RAB30: variants seen among roughly 807,000 people sequenced by gnomAD.
RAB30 encodes ras-related protein Rab-30.
A neutral mutation model predicts 25.1 loss-of-function variants in RAB30; 9 were observed. The observed-to-expected ratio is 0.36, with a 90% CI of 0.22 to 0.63. RAB30 has a LOEUF of 0.63. RAB30 is among the 20% of genes least tolerant of loss of function. RAB30 has a pLI of 0.69. For synonymous variants in RAB30, 77 were observed against 86.4 expected (o/e 0.89, Z 0.60); for missense variants, 140 against 243.5 (o/e 0.58, Z 2.83).
At chr11:83,044,628 T>C (rs575021424) in intron 1 of RAB30, among the ~76,000 whole-genome samples, 4 of 152,118 alleles carry the variant, frequency 2.6e-5, no homozygotes, top group Non-Finnish European at 5.9e-5. Flanking sequence ...ATTCAACTTA[T>C]ATAAGAAAGA....
At chr11:83,019,563 T>TC (rs1184200417) in intron 1 of RAB30, among the ~76,000 whole-genome samples, 1 of 152,072 alleles carries the variant, frequency 6.6e-6, no homozygotes, top group Non-Finnish European at 1.5e-5. Flanking sequence ...CATTAACTGT[T>TC]CCAGTTTGCT....
At chr11:83,006,946 A>G (rs1372788500) in intron 1 of RAB30, among the ~76,000 whole-genome samples, 4 of 152,242 alleles carry the variant, frequency 2.6e-5, no homozygotes, top group Admixed American at 2.6e-4. Context: ...GGATCAAACA[A>G]TAGCTTGCTT....
chr11:83,037,331 C>T (rs898752004), intron 1 of RAB30, among the ~76,000 whole-genome samples: 6 of 150,472 alleles, frequency 4.0e-5, no homozygotes, highest in Non-Finnish European at 7.4e-5. Flanking sequence ...CTCACTGCAA[C>T]CTCTGCCTCC....
rs544212347 is a variant in RAB30 at position 82,985,354 on chromosome 11, C to T, written c.361+2233G>A. On this transcript the variant is annotated intron_variant, in intron 4 of 4. Transcript: ENST00000527633. ...TAACTTTTAGAAGATACTGGAGAAC[C>T]AGCTTATTACCTTGAAAAGTGGTGA... Among the ~76,000 whole-genome samples, 76 of 152,176 alleles carry T rather than the reference C, an allele frequency of 5.0e-4. No homozygotes were observed. The South Asian group carries it at 0.016, about 31-fold the overall frequency.
At position 83,022,255 on chromosome 11, in the gene RAB30, G is replaced by T. The variant is rs553983296; in HGVS notation, c.-8-24931C>A. Among the ~76,000 whole-genome samples, 82 of 152,136 alleles carry T rather than the reference G, an allele frequency of 5.4e-4. 1 individual carries two copies. Among genetic ancestry groups the T allele is most frequent in the Admixed American group, 1.3e-3 (20 of 15,276 alleles). On this transcript the variant is annotated intron_variant, in intron 1 of 4. Transcript: ENST00000527633. The stretch of plus-strand genomic sequence containing the variant: ...GGCCAGTGAAGCCTGGACCTGCCAG[G>T]CTCAGGTGATTGTCCCACCTCAGCC...
At position 82,975,441 on chromosome 11, in the gene RAB30, A is replaced by G. The variant is rs368451988; in HGVS notation, c.*6724T>C. 1 of 152,188 alleles carries G rather than the reference A, an allele frequency of 6.6e-6. No homozygotes were observed. The highest frequency in any genetic ancestry group is 2.1e-4 in the South Asian group (1 of 4,830). The allele number at this position is 152,188 out of a possible 1,614,324, so 9.4% of individuals were successfully genotyped here. A position where few individuals can be genotyped will look rare whatever the true frequency, so the allele number is the denominator to read the frequency against. ...TAGATTATCTTTTGCTTTTCTGTAC[A>G]TGAATTTTTTCTTTATTAGGCATTT... is the stretch of plus-strand genomic sequence containing the variant. On this transcript the variant is annotated 3_prime_UTR_variant, in exon 5 of 5. Transcript: ENST00000527633.
At chr11:83,005,956 TTA>T (rs1857175494) in intron 1 of RAB30, among the ~76,000 whole-genome samples, 7 of 150,834 alleles carry the variant, frequency 4.6e-5, no homozygotes, top group African/African-American at 1.5e-4. Context: ...ATTTTTTTTT[TTA>T]AAAAACTGAT....
intron 1 of RAB30, among the ~76,000 whole-genome samples, chr11:83,054,238 A>T (rs1016104537): frequency 6.6e-6 from 1 of 152,214 alleles, no homozygotes; most frequent in South Asian, 2.1e-4. Context: ...TCTATGCTCC[A>T]GTAGTTATCT....
intron 1 of RAB30, among the ~76,000 whole-genome samples, chr11:83,027,480 G>A (rs1857751120): frequency 6.6e-6 from 1 of 152,044 alleles, no homozygotes; most frequent in Non-Finnish European, 1.5e-5. Context: ...GTACCCAAGG[G>A]AAAACCTGAA....
chr11:83,016,701 A>C (rs1590855303), intron 1 of RAB30, among the ~76,000 whole-genome samples: 1 of 152,224 alleles, frequency 6.6e-6, no homozygotes, highest in East Asian at 1.9e-4. Context: ...ATTGACCGTA[A>C]TATATACAAC....
intron 1 of RAB30, among the ~76,000 whole-genome samples, chr11:83,032,984 A>G (rs906124966): frequency 6.6e-6 from 1 of 151,468 alleles, no homozygotes; most frequent in Admixed American, 6.6e-5. Context: ...GAACATAATA[A>G]TATGGTTTTG....
intron 1 of RAB30, among the ~76,000 whole-genome samples, chr11:83,044,665 A>G (rs188289333): frequency 1.3e-5 from 2 of 152,344 alleles, no homozygotes; most frequent in African/African-American, 4.8e-5. Context: ...GGTACTCTAC[A>G]TTTAATGAGT....
At chr11:83,021,222 G>T (rs1857570753) in intron 1 of RAB30, among the ~76,000 whole-genome samples, 1 of 152,236 alleles carries the variant, frequency 6.6e-6, no homozygotes, top group African/African-American at 2.4e-5. Context: ...ACAAGAACTT[G>T]AGACTCACTG....
intron 1 of RAB30, among the ~76,000 whole-genome samples, chr11:83,027,965 T>C (rs1857764703): frequency 1.3e-5 from 2 of 152,154 alleles, no homozygotes; most frequent in Admixed American, 6.6e-5. Flanking sequence ...ACAGCTTTTT[T>C]CCTCCCCCTC....
At chr11:83,042,176 A>G (rs1476960500) in intron 1 of RAB30, among the ~76,000 whole-genome samples, 1 of 152,160 alleles carries the variant, frequency 6.6e-6, no homozygotes. Context: ...CCATAGCACT[A>G]AATCAGACTA....
At chr11:83,046,179 T>C (rs1268769952) in intron 1 of RAB30, among the ~76,000 whole-genome samples, 1 of 152,248 alleles carries the variant, frequency 6.6e-6, no homozygotes, top group East Asian at 1.9e-4. Context: ...TTGTACCAAA[T>C]TGTGCATCCT....
At chr11:83,039,801 T>C (rs113528563) in intron 1 of RAB30, among the ~76,000 whole-genome samples, 6 of 151,584 alleles carry the variant, frequency 4.0e-5, no homozygotes, top group African/African-American at 1.5e-4. Context: ...GAAGCAGAAA[T>C]CAAAAAGAAA....
chr11:83,009,398 A>G (rs987858269), intron 1 of RAB30, among the ~76,000 whole-genome samples: 1 of 152,180 alleles, frequency 6.6e-6, no homozygotes, highest in Non-Finnish European at 1.5e-5. Context: ...CAAAATAAGT[A>G]GTCTCTTTCA....
chr11:83,038,187 C>T (rs1348403692), intron 1 of RAB30, among the ~76,000 whole-genome samples: 2 of 152,292 alleles, frequency 1.3e-5, no homozygotes, highest in East Asian at 1.9e-4. Context: ...ATCTAACCTT[C>T]AGGACTGGAG....
Sources: gnomAD v4.1 joint callset for allele counts (sites outside exome capture counted in the v4.1 genomes callset) on GRCh38, gnomAD v4.1.1 for gene constraint, MANE v1.5 for transcripts, NCBI Gene and HGNC (gene_info 2026-07-23, HGNC 2026-07-21) for gene names.